SH3KBP1: variants seen among roughly 807,000 people sequenced by gnomAD.
The protein encoded by SH3KBP1 is SH3 domain containing kinase binding protein 1, also known as SH3 domain-containing kinase-binding protein 1.
Under a neutral mutation model 50.1 loss-of-function variants are expected in SH3KBP1, and 8 were observed. That is an observed-to-expected ratio of 0.16 (90% confidence interval 0.09 to 0.29). SH3KBP1 has a LOEUF of 0.29. Among genes scored for constraint, SH3KBP1 ranks in the 10% least tolerant of loss-of-function variants. The pLI is 1.00. For synonymous variants in SH3KBP1, 227 were observed against 218.6 expected (o/e 1.04, Z -0.34); for missense variants, 377 against 535.2 (o/e 0.70, Z 2.92).
At chrX:19,845,078 C>G (rs1406553728) in intron 1 of SH3KBP1, among the ~76,000 whole-genome samples, 2 of 110,715 alleles carry the variant, frequency 1.8e-5, no homozygotes, top group Non-Finnish European at 3.8e-5. Flanking sequence ...GACTCCGTCT[C>G]AAAAAATAGA....
chrX:19,702,541 C>T (rs767291432), intron 4 of SH3KBP1, among the ~76,000 whole-genome samples: 1 of 110,601 alleles, frequency 9.0e-6, no homozygotes, highest in Non-Finnish European at 1.9e-5. Flanking sequence ...TTGAACATCC[C>T]TTGGGCCACG....
At chrX:19,572,365 G>T (rs1602514525) in intron 12 of SH3KBP1, among the ~76,000 whole-genome samples, 1 of 97,647 alleles carries the variant, frequency 1.0e-5, no homozygotes, top group African/African-American at 4.3e-5. Context: ...TGTATATATA[G>T]TACATATATG....
intron 1 of SH3KBP1, among the ~76,000 whole-genome samples, chrX:19,876,716 G>T (rs1439704138): frequency 1.8e-5 from 2 of 111,894 alleles, no homozygotes; most frequent in Non-Finnish European, 3.8e-5. Context: ...CAGCCTATGG[G>T]GAGGGTCACT....
Position 19,778,567 on chromosome X carries a change from C to G in SH3KBP1, c.163-32126G>C, listed in dbSNP as rs1419434186. Among the ~76,000 whole-genome samples, 4 of 111,175 alleles carry G rather than the reference C, an allele frequency of 3.6e-5. No individual in the cohort carries two copies. The East Asian group carries it at 1.1e-3, about 31-fold the overall frequency. ...GAAGTGAATACACAAGTCCCGACCT[C>G]TTCACATACTTCCCAAGGATCTGAG... On this transcript the variant is annotated intron_variant, in intron 2 of 17. Coordinates refer to ENST00000397821, the MANE Select transcript of SH3KBP1 (RefSeq NM_031892.3).
chrX:19,658,956 T>C (rs1318044212), intron 6 of SH3KBP1, among the ~76,000 whole-genome samples: 1 of 108,623 alleles, frequency 9.2e-6, no homozygotes, highest in Non-Finnish European at 1.9e-5. Flanking sequence ...AGAGGTAAGG[T>C]ACACTTTTTT....
intron 2 of SH3KBP1, among the ~76,000 whole-genome samples, chrX:19,802,168 G>A (rs776353902): frequency 8.7e-4 from 96 of 110,346 alleles, no homozygotes; most frequent in Non-Finnish European, 1.3e-3. Context: ...CCAGGTGGGC[G>A]GATCACTTGA....
intron 3 of SH3KBP1, among the ~76,000 whole-genome samples, chrX:19,733,613 G>A (rs771015190): frequency 2.6e-4 from 29 of 110,849 alleles, no homozygotes; most frequent in African/African-American, 9.5e-4. Context: ...TAAGCTAGGT[G>A]ATAATTTATT....
intron 1 of SH3KBP1, among the ~76,000 whole-genome samples, chrX:19,869,326 C>G (rs1332540267): frequency 9.8e-5 from 11 of 112,644 alleles, no homozygotes; most frequent in Non-Finnish European, 2.1e-4. Flanking sequence ...ACAGCTGGAG[C>G]CTGTTTCCTC....
intron 2 of SH3KBP1, among the ~76,000 whole-genome samples, chrX:19,801,511 G>T (rs1194895204): frequency 1.8e-5 from 2 of 111,955 alleles, no homozygotes; most frequent in Non-Finnish European, 3.8e-5. Context: ...TATAATTTGG[G>T]AGACTCCTTA....
rs59323105 is a variant in SH3KBP1, at chrX:19,565,051, A to ATTTTTTT, written c.1384+4045_1384+4051dup. Among the ~76,000 whole-genome samples, 6 of 66,529 alleles carry ATTTTTTT rather than the reference A, an allele frequency of 9.0e-5. 1 individual carries two copies. Among genetic ancestry groups the ATTTTTTT allele is most frequent in the African/African-American group, 3.0e-4 (4 of 13,291 alleles). 57.8% of individuals were successfully genotyped at this position (66,529 alleles called of 115,157 possible). ...TCAGAGAGACCTGGCTTCAACTCCA[A>ATTTTTTT]TTTTTTTTTTTTTTTTTTTTTTTTT... is the stretch of plus-strand genomic sequence containing the variant. On this transcript the variant is annotated intron_variant, in intron 13 of 17. Transcript: ENST00000397821.
chrX:19,812,430 G>T (rs1356867174), intron 2 of SH3KBP1, among the ~76,000 whole-genome samples: 4 of 111,099 alleles, frequency 3.6e-5, no homozygotes, highest in Non-Finnish European at 7.5e-5. Flanking sequence ...CTTAGCCTGC[G>T]AGTGGGGCAA....
At chrX:19,648,462 A>C (rs2062043017) in intron 6 of SH3KBP1, among the ~76,000 whole-genome samples, 1 of 103,833 alleles carries the variant, frequency 9.6e-6, no homozygotes, top group African/African-American at 3.5e-5. Context: ...GAGGGAGGGA[A>C]GGAGGGAGGG....
At chrX:19,784,402 C>T (rs2066274069) in intron 2 of SH3KBP1, among the ~76,000 whole-genome samples, 1 of 111,158 alleles carries the variant, frequency 9.0e-6, no homozygotes, top group Admixed American at 9.6e-5. Flanking sequence ...CAAAGAATGG[C>T]ACCCACTGCA....
intron 1 of SH3KBP1, among the ~76,000 whole-genome samples, chrX:19,850,408 T>C (rs1300816902): frequency 9.0e-6 from 1 of 111,117 alleles, no homozygotes; most frequent in Non-Finnish European, 1.9e-5. Flanking sequence ...GGTCCCGAAC[T>C]CCTGAACTCA....
At chrX:19,554,122 T>C (rs1330010527) in intron 13 of SH3KBP1, among the ~76,000 whole-genome samples, 17 of 59,252 alleles carry the variant, frequency 2.9e-4, no homozygotes, top group African/African-American at 1.6e-3. Flanking sequence ...AAATATAATA[T>C]TATATATCAT....
Position 19,699,717 on chromosome X carries a change from G to A in SH3KBP1, c.391-3976C>T, listed in dbSNP as rs924956507. Among the ~76,000 whole-genome samples the A allele has an allele frequency of 2.7e-5, 3 of 112,200 alleles. No individual in the cohort carries two copies. The East Asian group carries it at 8.4e-4, about 31-fold the overall frequency. On this transcript the variant is annotated intron_variant, in intron 4 of 17. Coordinates refer to ENST00000397821, the MANE Select transcript of SH3KBP1 (RefSeq NM_031892.3). Reference sequence around the variant, plus strand: ...CTAAGTGGGTTCAGGGTCCAAGGAAGTAGTTTTTAAATCTTAACCCTGTTG... The same window carrying A: ...CTAAGTGGGTTCAGGGTCCAAGGAAATAGTTTTTAAATCTTAACCCTGTTG...
In SH3KBP1 at chrX:19,751,690, A is replaced by G. The variant is rs925158337; in HGVS notation, c.163-5249T>C. Among the ~76,000 whole-genome samples, 7 of 111,751 alleles carry G rather than the reference A, an allele frequency of 6.3e-5. No homozygotes were observed. The East Asian group carries it at 2.0e-3, about 31-fold the overall frequency. On this transcript the variant is annotated intron_variant, in intron 2 of 17. Coordinates refer to ENST00000397821, the MANE Select transcript of SH3KBP1 (RefSeq NM_031892.3). ...AGGACGCTTCAGCTGTGTCACAAGG[A>G]CCACTTGAGAAAAGGAAGAGAACTC...
At chrX:19,692,449 T>C (rs2063309605) in intron 5 of SH3KBP1, among the ~76,000 whole-genome samples, 2 of 110,374 alleles carry the variant, frequency 1.8e-5, no homozygotes, top group Admixed American at 1.9e-4. Flanking sequence ...ATAATGCCAA[T>C]GTTTCTTCTA....
At chrX:19,758,209 T>A (rs2065268883) in intron 2 of SH3KBP1, among the ~76,000 whole-genome samples, 1 of 107,843 alleles carries the variant, frequency 9.3e-6, no homozygotes, top group Admixed American at 1.0e-4. Flanking sequence ...GTGCCTGTAA[T>A]CCCAGCTACT....
Sources: allele counts gnomAD v4.1 joint callset (sites outside exome capture counted in the v4.1 genomes callset), GRCh38; gene constraint gnomAD v4.1.1; transcripts MANE v1.5; gene names NCBI Gene and HGNC (gene_info 2026-07-23, HGNC 2026-07-21).